Variants in ATP9B observed in about 807,000 individuals in gnomAD.
The protein encoded by ATP9B is probable phospholipid-transporting ATPase IIB.
A neutral mutation model predicts 146.1 loss-of-function variants in ATP9B; 110 were observed. That is an observed-to-expected ratio of 0.75 (90% CI 0.65 to 0.88). ATP9B has a LOEUF of 0.88. Among genes scored for constraint, ATP9B ranks in the 40% least tolerant of loss-of-function variants. The probability of loss-of-function intolerance (pLI) is 0.00; values close to 1 mark genes in which losing one functional copy is unlikely to be tolerated. For missense variants in ATP9B, 1,499 were observed against 1,496.4 expected (o/e 1.00, Z -0.03); for synonymous variants, 604 against 569.7 (o/e 1.06, Z -0.86).
At chr18:79,367,054 G>A (rs1600432769) in intron 26 of ATP9B, among the ~76,000 whole-genome samples, 1 of 146,794 alleles carries the variant, frequency 6.8e-6, no homozygotes, top group East Asian at 2.0e-4. Context: ...CAACCAGAGA[G>A]CACACATATC....
At chr18:79,124,775 G>C (rs2094253329) in intron 4 of ATP9B, among the ~76,000 whole-genome samples, 1 of 152,172 alleles carries the variant, frequency 6.6e-6, no homozygotes, top group African/African-American at 2.4e-5. Flanking sequence ...CGTCCGGCTG[G>C]GGTGCCACAC....
chr18:79,094,316 T>A (rs1240572629), intron 1 of ATP9B, among the ~76,000 whole-genome samples: 1 of 152,236 alleles, frequency 6.6e-6, no homozygotes, highest in African/African-American at 2.4e-5. Context: ...CTCGTCCAGC[T>A]TTCTCCACTG....
chr18:79,233,619 G>A (rs1209136001), intron 11 of ATP9B, among the ~76,000 whole-genome samples: 1 of 152,182 alleles, frequency 6.6e-6, no homozygotes, highest in Non-Finnish European at 1.5e-5. Context: ...ACGAGAGGTG[G>A]GGCTTAGGTG....
intron 4 of ATP9B, among the ~76,000 whole-genome samples, chr18:79,120,687 A>G (rs1278754801): frequency 6.6e-6 from 1 of 152,240 alleles, no homozygotes; most frequent in Non-Finnish European, 1.5e-5. Context: ...GAGATGGAAT[A>G]GATCTGTCTA....
chr18:79,073,624 A>G (rs1465910492), intron 1 of ATP9B, among the ~76,000 whole-genome samples: 1 of 152,044 alleles, frequency 6.6e-6, no homozygotes, highest in African/African-American at 2.4e-5. Context: ...AAAGCGGGAG[A>G]CGGAGACGAG....
chr18:79,307,975 T>C (rs757300221), intron 15 of ATP9B, among the ~76,000 whole-genome samples: 43 of 152,210 alleles, frequency 2.8e-4, no homozygotes, highest in Non-Finnish European at 4.9e-4. Flanking sequence ...CATAAATAAT[T>C]GGTGGGGGCA....
intron 6 of ATP9B, chr18:79,145,522 C>G (rs28369471): frequency 4.0e-4 from 28 of 70,112 alleles, no homozygotes; most frequent in South Asian, 1.6e-3. Context: ...TGGCGGTGTG[C>G]AGAGTGACTG....
chr18:79,242,022 G>T (rs890920099), intron 11 of ATP9B, among the ~76,000 whole-genome samples: 7 of 152,348 alleles, frequency 4.6e-5, no homozygotes, highest in Admixed American at 3.3e-4. Flanking sequence ...TGCAGGAGAG[G>T]GAGCACCGCC....
chr18:79,078,732 T>C (rs2072912598), intron 1 of ATP9B, among the ~76,000 whole-genome samples: 1 of 152,026 alleles, frequency 6.6e-6, no homozygotes, highest in African/African-American at 2.4e-5. Context: ...TGCATAGGTA[T>C]ACACATGCTG....
chr18:79,118,736 C>T (rs899641561), intron 4 of ATP9B, among the ~76,000 whole-genome samples: 1 of 151,862 alleles, frequency 6.6e-6, no homozygotes, highest in Admixed American at 6.6e-5. Context: ...TATTTCTAGC[C>T]CCTTTTTTTC....
chr18:79,136,870 G>A (rs757155264), intron 5 of ATP9B, among the ~76,000 whole-genome samples: 6 of 152,292 alleles, frequency 3.9e-5, no homozygotes, highest in East Asian at 1.9e-4. Context: ...AAGCAAACAC[G>A]TCCTTCTTCA....
chr18:79,241,280 C>T (rs1303853718), intron 11 of ATP9B, among the ~76,000 whole-genome samples: 2 of 152,050 alleles, frequency 1.3e-5, no homozygotes, highest in East Asian at 1.9e-4. Flanking sequence ...GTGAGAATTC[C>T]GCAGCCTTTC....
intron 8 of ATP9B, among the ~76,000 whole-genome samples, chr18:79,188,390 C>T (rs1000980479): frequency 1.4e-4 from 21 of 152,160 alleles, no homozygotes; most frequent in Non-Finnish European, 2.5e-4. Context: ...CCAGTTTTAG[C>T]TCGGCCCTCG....
intron 4 of ATP9B, among the ~76,000 whole-genome samples, chr18:79,125,882 G>T (rs1263059127): frequency 1.3e-5 from 2 of 152,126 alleles, no homozygotes; most frequent in Non-Finnish European, 2.9e-5. Flanking sequence ...AAAAATTTAA[G>T]TGCAGAAATT....
chr18:79,373,803 A>G, intron 27 of ATP9B, 95 bp from the exon 28 acceptor site: 3 of 1,315,198 alleles, frequency 2.3e-6, no homozygotes, highest in Non-Finnish European at 3.2e-6. Flanking sequence ...CCCTATTTTT[A>G]AGGGTCTTGA....
intron 12 of ATP9B, among the ~76,000 whole-genome samples, chr18:79,258,180 A>G (rs891305335): frequency 2.0e-5 from 3 of 152,248 alleles, no homozygotes; most frequent in African/African-American, 7.2e-5. Context: ...ATAGTAAAAC[A>G]AAATAGAAAA....
At chr18:79,142,145 G>T (rs2094521738) in intron 5 of ATP9B, among the ~76,000 whole-genome samples, 2 of 152,090 alleles carry the variant, frequency 1.3e-5, no homozygotes, top group South Asian at 4.1e-4. Flanking sequence ...AACTTTTTAT[G>T]CTGTATTTGA....
Position 79,307,101 on chromosome 18 carries a change from C to T in ATP9B, c.1640C>T (p.Ala547Val), listed in dbSNP as rs1568632217. The T allele has an allele frequency of 6.2e-7, 1 of 1,614,218 alleles. No homozygotes were observed. Among genetic ancestry groups the T allele is most frequent in the Non-Finnish European group, 8.5e-7 (1 of 1,180,052 alleles). The change falls in exon 15 of 30, where the codon GCC (alanine) becomes GTC (valine). Residue 547 changes from alanine (A) to valine (V), a missense_variant. Transcript: ENST00000426216. ...VSSRIHEAVK[A>V]IVLCHNVTPV... ...AGTCGAATCCATGAAGCCGTGAAAGCCATCGTGCTGTGTCACAACGTGACC... is the reference window on the plus strand; with the variant it reads ...AGTCGAATCCATGAAGCCGTGAAAGTCATCGTGCTGTGTCACAACGTGACC...
intron 11 of ATP9B, among the ~76,000 whole-genome samples, chr18:79,215,102 C>T (rs981561034): frequency 2.7e-5 from 4 of 147,054 alleles, no homozygotes; most frequent in East Asian, 2.0e-4. Flanking sequence ...GAGCCAAGAT[C>T]GCACCATTGC....
Sources: gnomAD v4.1 joint callset for allele counts (sites outside exome capture counted in the v4.1 genomes callset) on GRCh38, gnomAD v4.1.1 for gene constraint, MANE v1.5 for transcripts, NCBI Gene and HGNC (gene_info 2026-07-23, HGNC 2026-07-21) for gene names.